Variants in GALNT18 observed in about 807,000 individuals in gnomAD.
The protein encoded by GALNT18 is GalNAc-transferase 18.
GALNT18 carries 44 observed loss-of-function variants against 69.5 expected under a neutral mutation model. The observed-to-expected ratio is 0.63, with a 90% CI of 0.50 to 0.81. The LOEUF (loss-of-function observed/expected upper bound fraction) is 0.81. Ranked by LOEUF, GALNT18 falls within the 40% of genes least tolerant of loss-of-function variation. The pLI, the probability that GALNT18 is intolerant of heterozygous loss-of-function variation, is 0.00. For missense variants in GALNT18, 715 were observed against 810.0 expected (o/e 0.88, Z 1.42); for synonymous variants, 364 against 318.2 (o/e 1.14, Z -1.53).
intron 9 of GALNT18, among the ~76,000 whole-genome samples, chr11:11,308,713 A>C (rs1407588164): frequency 6.6e-6 from 1 of 152,194 alleles, no homozygotes; most frequent in Non-Finnish European, 1.5e-5. Context: ...TGTAAGAATC[A>C]GACATCAGAC....
In GALNT18 at chr11:11,435,170, C is replaced by A. The variant is rs1233675016; in HGVS notation, c.429-2383G>T. ...TGCTTCTGTATCTCTCTGCACTTCC[C>A]CACGGGGTCTGCACTGCGTTCCCAG... On this transcript the variant is annotated intron_variant, in intron 2 of 10. Transcript: ENST00000227756. The surrounding 1 kb of genome is among the most constrained non-coding windows in gnomAD (Gnocchi z 4.4). Among the ~76,000 whole-genome samples, 2 of 152,206 alleles carry A rather than the reference C, an allele frequency of 1.3e-5. No individual in the cohort carries two copies. Among genetic ancestry groups the A allele is most frequent in the Non-Finnish European group, 2.9e-5 (2 of 68,030 alleles).
rs79157107 is a variant in GALNT18, at chr11:11,417,509, C to T, written c.595+15112G>A. ...ACAGACTAGGGCCATATCTGACCTG[C>T]CCATGTGTCTTGTTCAGCCCACCAA... On this transcript the variant is annotated intron_variant, in intron 3 of 10. Coordinates refer to ENST00000227756, the MANE Select transcript of GALNT18 (RefSeq NM_198516.3). Among the ~76,000 whole-genome samples, 355 of 152,326 alleles carry T rather than the reference C, an allele frequency of 2.3e-3. 3 individuals carry two copies. Among genetic ancestry groups the T allele is most frequent in the African/African-American group, 8.4e-3 (349 of 41,580 alleles).
chr11:11,422,327 C>A (rs1208701029), intron 3 of GALNT18, among the ~76,000 whole-genome samples: 1 of 152,232 alleles, frequency 6.6e-6, no homozygotes, highest in East Asian at 1.9e-4. Context: ...CAGCAAGGAG[C>A]AACAATAGGA....
In GALNT18 at chr11:11,377,292, C is replaced by T. The variant is rs561376812; in HGVS notation, c.867G>A (p.Glu289=). Residue 289 remains glutamate, a synonymous_variant, in exon 5 of 11, where the codon GAG becomes GAA. Transcript: ENST00000227756. This position sits in a 1 kb window ranked among gnomAD's most constrained non-coding sequence, Gnocchi z 4.6. ...GGGCAGCCAGCGGGTACTCTTCTAT[C>T]TCAAAGTTGTCATATTTGATGTTAT... The part of the protein sequence containing the change: ...SFDNIKYDNF[E]IEEYPLAAQG... 9 of 1,613,966 alleles carry T rather than the reference C, an allele frequency of 5.6e-6. No individual in the cohort carries two copies. Among genetic ancestry groups the T allele is most frequent in the South Asian group, 3.3e-5 (3 of 91,068 alleles).
At chr11:11,395,986 A>C (rs1190126498) in intron 3 of GALNT18, among the ~76,000 whole-genome samples, 1 of 151,314 alleles carries the variant, frequency 6.6e-6, no homozygotes, top group Non-Finnish European at 1.5e-5. Context: ...GGAGATGGGG[A>C]GGGGAGAGGG....
intron 1 of GALNT18, among the ~76,000 whole-genome samples, chr11:11,561,981 C>A (rs1217504967): frequency 6.6e-6 from 1 of 152,254 alleles, no homozygotes; most frequent in African/African-American, 2.4e-5. Context: ...CCCACTGTCA[C>A]ACAGCGAGTG....
intron 3 of GALNT18, among the ~76,000 whole-genome samples, chr11:11,427,903 G>A (rs762828043): frequency 3.0e-4 from 46 of 152,140 alleles, no homozygotes; most frequent in Non-Finnish European, 5.7e-4. Context: ...AGGGCCTGAT[G>A]TCCCCATCGT....
At chr11:11,305,604 G>A (rs1045650457) in intron 9 of GALNT18, among the ~76,000 whole-genome samples, 1 of 152,128 alleles carries the variant, frequency 6.6e-6, no homozygotes, top group African/African-American at 2.4e-5. Context: ...ACTAGAGACA[G>A]TTTACACAGC....
At chr11:11,476,530 T>A (rs1477357436) in intron 1 of GALNT18, 2 of 152,206 alleles carry the variant, frequency 1.3e-5, no homozygotes, top group African/African-American at 4.8e-5. Context: ...TATTGACTCA[T>A]AAAGCATTGC....
chr11:11,556,969 G>A (rs1858347077), intron 1 of GALNT18, among the ~76,000 whole-genome samples: 1 of 152,178 alleles, frequency 6.6e-6, no homozygotes, highest in African/African-American at 2.4e-5. Flanking sequence ...AGATAGAAGA[G>A]GTGCCATAAC....
Position 11,600,904 on chromosome 11 carries a change from C to T in GALNT18, c.235+20455G>A, listed in dbSNP as rs1416879855. ...CAAATTTGCTGATACTTTCTTCTGC[C>T]AACTCAAATATATTTTTAAGTGCCC... is the stretch of plus-strand genomic sequence containing the variant. On this transcript the variant is annotated intron_variant, in intron 1 of 10. Transcript: ENST00000227756. This position sits in a 1 kb window ranked among gnomAD's most constrained non-coding sequence, Gnocchi z 4.8. Among the ~76,000 whole-genome samples the T allele has an allele frequency of 1.3e-5, 2 of 151,970 alleles. No individual in the cohort carries two copies. The highest frequency in any genetic ancestry group is 1.3e-4 in the Admixed American group (2 of 15,244).
At position 11,484,367 on chromosome 11, in the gene GALNT18, C is replaced by T. The variant is rs551132274; in HGVS notation, c.236-35431G>A. ...CAGCAGTCTGGGAGGCCGAGGTGGG[C>T]GGATCACCTGAGGTCGGGAGTTTGA... On this transcript the variant is annotated intron_variant, in intron 1 of 10. Transcript: ENST00000227756. Among the ~76,000 whole-genome samples, 35 of 151,980 alleles carry T rather than the reference C, an allele frequency of 2.3e-4. No individual in the cohort carries two copies. The South Asian group carries it at 3.6e-3, about 15-fold the overall frequency.
At position 11,480,038 on chromosome 11, in the gene GALNT18, TG is replaced by T. The variant is rs1032770157; in HGVS notation, c.236-31103del. On this transcript the variant is annotated intron_variant, in intron 1 of 10. Coordinates refer to ENST00000227756, the MANE Select transcript of GALNT18 (RefSeq NM_198516.3). This position sits in a 1 kb window ranked among gnomAD's most constrained non-coding sequence, Gnocchi z 4.6. ...CCACCAGGAGGCTAGAGAAGAGAGATGGGAGAGTTTGTAGATCTTGGAGCGG... is the reference window on the plus strand; with the variant it reads ...CCACCAGGAGGCTAGAGAAGAGAGATGGAGAGTTTGTAGATCTTGGAGCGG... Among the ~76,000 whole-genome samples the T allele has an allele frequency of 3.3e-5, 5 of 152,078 alleles. No individual in the cohort carries two copies. Among genetic ancestry groups the T allele is most frequent in the African/African-American group, 9.7e-5 (4 of 41,404 alleles).
chr11:11,411,639 A>G (rs902598019), intron 3 of GALNT18, among the ~76,000 whole-genome samples: 3 of 152,224 alleles, frequency 2.0e-5, no homozygotes, highest in African/African-American at 4.8e-5. Context: ...TGCTCACATT[A>G]TCTTGGCATG....
chr11:11,410,365 G>A (rs1289616260), intron 3 of GALNT18, among the ~76,000 whole-genome samples: 1 of 152,100 alleles, frequency 6.6e-6, no homozygotes, highest in East Asian at 1.9e-4. Context: ...CCAGCACCCT[G>A]CCATCAGATC....
intron 1 of GALNT18, among the ~76,000 whole-genome samples, chr11:11,567,489 G>A (rs1858681855): frequency 6.6e-6 from 1 of 152,232 alleles, no homozygotes; most frequent in South Asian, 2.1e-4. Flanking sequence ...TTTCTGGCAA[G>A]TGGTGAGGGG....
chr11:11,436,382 C>T lies in GALNT18; in HGVS notation c.429-3595G>A, dbSNP rs928767901. 2.0e-5 allele frequency among the ~76,000 whole-genome samples: 3 copies of T among 151,550 alleles called. No homozygotes were observed. The highest frequency in any genetic ancestry group is 4.8e-5 in the African/African-American group (2 of 41,334). ...ACAGGACACATCCCCTTGCCACCATCGTGACTATGTAGGGTGACAAGCTCA... is the reference window on the plus strand; with the variant it reads ...ACAGGACACATCCCCTTGCCACCATTGTGACTATGTAGGGTGACAAGCTCA... On this transcript the variant is annotated intron_variant, in intron 2 of 10. Coordinates refer to ENST00000227756, the MANE Select transcript of GALNT18 (RefSeq NM_198516.3). This position sits in a 1 kb window ranked among gnomAD's most constrained non-coding sequence, Gnocchi z 4.5.
chr11:11,428,673 T>C (rs774870568), intron 3 of GALNT18, among the ~76,000 whole-genome samples: 3 of 152,212 alleles, frequency 2.0e-5, no homozygotes, highest in Non-Finnish European at 4.4e-5. Flanking sequence ...ATTAAATCAC[T>C]AGCAGTAAAA....
chr11:11,488,312 G>A (rs571772276), intron 1 of GALNT18, among the ~76,000 whole-genome samples: 1 of 152,138 alleles, frequency 6.6e-6, no homozygotes, highest in East Asian at 1.9e-4. Context: ...TAAGCTTCCC[G>A]CATTCCTTGA....
Sources: allele counts gnomAD v4.1 joint callset (sites outside exome capture counted in the v4.1 genomes callset), GRCh38; gene constraint gnomAD v4.1.1; non-coding constraint Gnocchi (gnomAD v3.1); transcripts MANE v1.5; gene names NCBI Gene and HGNC (gene_info 2026-07-23, HGNC 2026-07-21).